NUP155: variants seen among roughly 807,000 people sequenced by gnomAD.
The protein encoded by NUP155 is nucleoporin 155, also known as nuclear pore complex protein Nup155.
A neutral mutation model predicts 180.4 loss-of-function variants in NUP155; 71 were observed. The ratio of observed to expected loss-of-function variants is 0.39; its 90% confidence interval spans 0.33 to 0.48. The LOEUF is 0.48. NUP155 is among the 20% of genes least tolerant of loss of function. The probability of loss-of-function intolerance (pLI) is 0.91; values close to 1 mark genes in which losing one functional copy is unlikely to be tolerated. For missense variants in NUP155, 1,553 were observed against 1,648.9 expected (o/e 0.94, Z 1.01); for synonymous variants, 582 against 559.5 (o/e 1.04, Z -0.57).
chr5:37,305,741 G>A (rs1743118361), intron 25 of NUP155, among the ~76,000 whole-genome samples: 1 of 151,774 alleles, frequency 6.6e-6, no homozygotes, highest in African/African-American at 2.4e-5. Flanking sequence ...GCGTGGCGGT[G>A]TGCACCTGTA....
chr5:37,302,472 G>C (rs1389619627), intron 29 of NUP155, among the ~76,000 whole-genome samples: 3 of 152,216 alleles, frequency 2.0e-5, no homozygotes, highest in Admixed American at 1.3e-4. Flanking sequence ...CTGACCTCAT[G>C]ATCTGGCTGC....
chr5:37,323,172 C>T (rs900756968), intron 20 of NUP155, among the ~76,000 whole-genome samples: 6 of 150,872 alleles, frequency 4.0e-5, no homozygotes. Flanking sequence ...GTAATCTAAG[C>T]TACTTGGGAG....
chr5:37,339,520 C>G (rs573883594), intron 11 of NUP155, among the ~76,000 whole-genome samples: 3 of 152,004 alleles, frequency 2.0e-5, no homozygotes, highest in South Asian at 4.2e-4. Flanking sequence ...CCCAACTCCT[C>G]AGGAGGTTGA....
chr5:37,296,785 GT>G (rs916225895), intron 32 of NUP155, among the ~76,000 whole-genome samples: 1 of 152,184 alleles, frequency 6.6e-6, no homozygotes, highest in Non-Finnish European at 1.5e-5. Flanking sequence ...TATTAAATGT[GT>G]TTTTTAATGC....
intron 12 of NUP155, among the ~76,000 whole-genome samples, chr5:37,336,573 T>C (rs953425622): frequency 2.0e-5 from 3 of 152,142 alleles, no homozygotes; most frequent in Admixed American, 6.6e-5. Context: ...ATAACTATTA[T>C]AGAGGAAGAA....
At chr5:37,331,291 T>C (rs1259024040) in intron 14 of NUP155, among the ~76,000 whole-genome samples, 4 of 151,872 alleles carry the variant, frequency 2.6e-5, no homozygotes, top group African/African-American at 9.7e-5. Context: ...TATCTATTTA[T>C]GGCTGGGCTT....
chr5:37,336,057 G>C (rs1745307844), intron 12 of NUP155, among the ~76,000 whole-genome samples: 1 of 152,036 alleles, frequency 6.6e-6, no homozygotes, highest in Non-Finnish European at 1.5e-5. Context: ...GACTATTTTT[G>C]ATAACTAGGA....
intron 4 of NUP155, among the ~76,000 whole-genome samples, chr5:37,356,423 A>G (rs1746835746): frequency 6.6e-6 from 1 of 152,006 alleles, no homozygotes; most frequent in Non-Finnish European, 1.5e-5. Context: ...TGGGAGGATC[A>G]CCTGAGGTCA....
At chr5:37,309,792 T>C (rs1196587796) in intron 23 of NUP155, among the ~76,000 whole-genome samples, 1 of 152,134 alleles carries the variant, frequency 6.6e-6, no homozygotes. Context: ...CAGAGGCTCA[T>C]GTCTATAATC....
chr5:37,350,035 T>C, intron 7 of NUP155, 125 bp downstream of exon 7: 4 of 742,486 alleles, frequency 5.4e-6, no homozygotes, highest in Middle Eastern at 2.3e-4. Context: ...CTTATGAATA[T>C]ATAAGAAATG....
chr5:37,296,374 T>C (rs1561764999), intron 32 of NUP155, among the ~76,000 whole-genome samples: 1 of 151,994 alleles, frequency 6.6e-6, no homozygotes, highest in Non-Finnish European at 1.5e-5. Context: ...TCTGTGACCT[T>C]ACCCCCAACC....
chr5:37,296,923 T>C (rs143035969), intron 32 of NUP155, among the ~76,000 whole-genome samples: 2 of 152,124 alleles, frequency 1.3e-5, no homozygotes, highest in Admixed American at 6.6e-5. Flanking sequence ...GCACCTATAA[T>C]CCCAGCACTA....
chr5:37,323,368 T>G (rs1487620684), intron 20 of NUP155, among the ~76,000 whole-genome samples: 2 of 152,212 alleles, frequency 1.3e-5, no homozygotes, highest in East Asian at 3.9e-4. Flanking sequence ...CCCAAATATC[T>G]ATCAACTGAT....
intron 11 of NUP155, among the ~76,000 whole-genome samples, 184 bp from the exon 12 acceptor site, chr5:37,338,102 C>T (rs957807661): frequency 6.6e-5 from 10 of 151,844 alleles, no homozygotes; most frequent in Non-Finnish European, 1.5e-4. Flanking sequence ...GGGTGGATCA[C>T]GAGGTCAGGA....
chr5:37,330,244 A>G, intron 14 of NUP155, 112 bp from the exon 15 acceptor site: 1 of 745,234 alleles, frequency 1.3e-6, no homozygotes, highest in Non-Finnish European at 2.3e-6. Flanking sequence ...GGCATTCAAT[A>G]AATACTTGCT....
rs1055442068 is a variant in NUP155, at chr5:37,312,940, T to C, written c.2436+1258A>G. 3.3e-5 allele frequency among the ~76,000 whole-genome samples: 5 copies of C among 152,294 alleles called. No homozygotes were observed. The South Asian group carries it at 8.3e-4, about 25-fold the overall frequency. On this transcript the variant is annotated intron_variant, in intron 22 of 34. Coordinates refer to ENST00000231498, the MANE Select transcript of NUP155 (RefSeq NM_153485.3). ...GAATGAGTCAAATGTATATGGGAGT[T>C]ACAGTTTTTGCTCTACTTTTGTATA...
intron 1 of NUP155, among the ~76,000 whole-genome samples, chr5:37,369,977 T>G (rs1561822217): frequency 6.6e-6 from 1 of 152,246 alleles, no homozygotes; most frequent in East Asian, 1.9e-4. Flanking sequence ...TTACTCTCCC[T>G]GTACATAAGC....
At chr5:37,329,961 T>C in intron 15 of NUP155, 77 bp downstream of exon 15, 1 of 1,045,756 alleles carries the variant, frequency 9.6e-7, no homozygotes. Flanking sequence ...GGCAAGGCTT[T>C]ATCACATTGA....
chr5:37,305,247 A>G lies in NUP155; in HGVS notation c.2904-37T>C, dbSNP rs769070655. 9 of 1,563,524 alleles carry G rather than the reference A, an allele frequency of 5.8e-6. No homozygotes were observed. In the South Asian group the frequency reaches 8.9e-5, roughly 15 times the overall value. On this transcript the variant is annotated intron_variant, in intron 25 of 34. Coordinates refer to ENST00000231498, the MANE Select transcript of NUP155 (RefSeq NM_153485.3). ...TGGAAAAGGAACAATTACATTATTT[A>G]ACTAGAAAGCAAATGATGGTAAGTG...
Sources: gnomAD v4.1 joint callset for allele counts (sites outside exome capture counted in the v4.1 genomes callset) on GRCh38, gnomAD v4.1.1 for gene constraint, MANE v1.5 for transcripts, NCBI Gene and HGNC (gene_info 2026-07-23, HGNC 2026-07-21) for gene names.